Variants in GGA1 observed in about 807,000 individuals in gnomAD.
The protein encoded by GGA1 is golgi associated, gamma adaptin ear containing, ARF binding protein 1.
Under a neutral mutation model 76.9 loss-of-function variants are expected in GGA1, and 18 were observed. The ratio of observed to expected loss-of-function variants is 0.23; its 90% CI spans 0.16 to 0.35. The LOEUF is 0.35. Ranked by LOEUF, GGA1 falls within the 10% of genes least tolerant of loss-of-function variation. The probability of loss-of-function intolerance (pLI) is 1.00; values close to 1 mark genes in which losing one functional copy is unlikely to be tolerated. For missense variants in GGA1, 755 were observed against 859.0 expected (o/e 0.88, Z 1.51); for synonymous variants, 342 against 354.7 (o/e 0.96, Z 0.40).
At position 37,632,754 on chromosome 22, in the gene GGA1, C is replaced by T. The variant is rs771051099; in HGVS notation, c.*43C>T. The stretch of plus-strand genomic sequence containing the variant: ...GAGGAAGGGGCAGAGGGACCGGTCA[C>T]TGTCCAGCCTGGAGGGAGGCATTGG... On this transcript the variant is annotated 3_prime_UTR_variant, in exon 17 of 17. Coordinates refer to ENST00000343632, the MANE Select transcript of GGA1 (RefSeq NM_013365.5). This position sits in a 1 kb window ranked among gnomAD's most constrained non-coding sequence, Gnocchi z 5.1. 1 of 1,184,508 alleles carries T rather than the reference C, an allele frequency of 8.4e-7. No individual in the cohort carries two copies. Among genetic ancestry groups the T allele is most frequent in the South Asian group, 1.3e-5 (1 of 77,688 alleles). 73.4% of individuals were successfully genotyped at this position (1,184,508 alleles called of 1,614,324 possible). A position where few individuals can be genotyped will look rare whatever the true frequency, so the allele number is the denominator to read the frequency against.
At chr22:37,614,318 A>G (rs897477626) in intron 2 of GGA1, 44 bp downstream of exon 2, 11 of 1,362,712 alleles carry the variant, frequency 8.1e-6, no homozygotes, top group Non-Finnish European at 1.1e-5. Flanking sequence ...TGCACTCTCC[A>G]GAACCCAGTC....
Position 37,629,524 on chromosome 22 carries a change from C to A in GGA1, c.1156C>A (p.Gln386Lys). The change falls in exon 12 of 17, where the codon CAG becomes AAG. Residue 386 changes from glutamine to lysine, a missense_variant and splice_region_variant. Transcript: ENST00000343632. ...SLDGTGWNSF[Q>K]SSDATEPPAP... ...GGATGGTACCGGATGGAACAGCTTC[C>A]AGGTAGGAGGGGACCACAAACTAGT... The A allele has an allele frequency of 6.4e-7, 1 of 1,572,904 alleles. No homozygotes were observed. Among genetic ancestry groups the A allele is most frequent in the Non-Finnish European group, 8.6e-7 (1 of 1,161,660 alleles).
At chr22:37,616,896 G>A (rs1928905274) in intron 2 of GGA1, 26 bp from the exon 3 acceptor site, 1 of 1,583,638 alleles carries the variant, frequency 6.3e-7, no homozygotes. Context: ...TGGCGACTCT[G>A]GCTCTGTGTT....
rs1932036502 is a variant in GGA1, at chr22:37,632,684, C to G, written c.1893C>G (p.Pro631=). The part of the protein sequence containing the change: ...YNEMGDVDQF[P]PPETWGSL ...AGATGGGGGATGTGGACCAGTTCCC[C>G]CCACCTGAAACCTGGGGTAGCCTCT... is the stretch of plus-strand genomic sequence containing the variant. The change falls in exon 17 of 17, where the codon CCC becomes CCG. Residue 631 remains proline (P), a synonymous_variant. Transcript: ENST00000343632. This position sits in a 1 kb window ranked among gnomAD's most constrained non-coding sequence, Gnocchi z 5.1. The G allele has an allele frequency of 6.2e-7, 1 of 1,609,070 alleles. No individual in the cohort carries two copies. Among genetic ancestry groups the G allele is most frequent in the African/African-American group, 1.3e-5 (1 of 74,778 alleles).
At chr22:37,610,563 A>T (rs1601489416) in intron 1 of GGA1, 2 of 151,944 alleles carry the variant, frequency 1.3e-5, no homozygotes, top group Middle Eastern at 3.4e-3. Context: ...CTGATCTCGA[A>T]CTCCTGACCT....
At chr22:37,614,061 G>A in intron 1 of GGA1, 129 bp from the exon 2 acceptor site, 1 of 703,658 alleles carries the variant, frequency 1.4e-6, no homozygotes, top group Non-Finnish European at 2.6e-6. Flanking sequence ...CAGGAAGGCA[G>A]GGGGAGAGCT....
At chr22:37,615,885 G>T (rs1470829589) in intron 2 of GGA1, among the ~76,000 whole-genome samples, 2 of 151,436 alleles carry the variant, frequency 1.3e-5, no homozygotes, top group African/African-American at 4.9e-5. Context: ...CTGTCGCCCA[G>T]GCTGGAGTGC....
Position 37,632,596 on chromosome 22 carries a change from C to A in GGA1, c.1810-5C>A. 1.2e-6 allele frequency: 2 copies of A among 1,607,796 alleles called. No individual in the cohort carries two copies. Among genetic ancestry groups the A allele is most frequent in the African/African-American group, 1.3e-5 (1 of 74,934 alleles). On this transcript the variant is annotated splice_polypyrimidine_tract_variant and splice_region_variant and intron_variant, in intron 16 of 16. Coordinates refer to ENST00000343632, the MANE Select transcript of GGA1 (RefSeq NM_013365.5). The surrounding 1 kb of genome is among the most constrained non-coding windows in gnomAD (Gnocchi z 5.1). The stretch of plus-strand genomic sequence containing the variant: ...ACCCCTCTGCCTTTGCCATCTCTTC[C>A]CCAGGAGAAGGTTCGCCTCCGCTAC...
Position 37,631,080 on chromosome 22 carries a change from C to T in GGA1, c.1509C>T (p.Pro503=), listed in dbSNP as rs370405373. The T allele has an allele frequency of 5.0e-6, 8 of 1,593,056 alleles. No homozygotes were observed. Among genetic ancestry groups the T allele is most frequent in the Non-Finnish European group, 6.0e-6 (7 of 1,171,944 alleles). ...TCTCACTGGCCAGCATCACTGTGCC[C>T]CTGGAGTCCATCAAACCCAGTGAGT... is the stretch of plus-strand genomic sequence containing the variant. The part of the protein sequence containing the change: ...TELSLASITV[P]LESIKPSNIL... The change falls in exon 14 of 17, where the codon CCC becomes CCT. Residue 503 remains proline, a synonymous_variant. Transcript: ENST00000343632.
chr22:37,630,365 G>A, intron 13 of GGA1, 195 bp downstream of exon 13: 1 of 553,994 alleles, frequency 1.8e-6, no homozygotes, highest in Non-Finnish European at 3.2e-6. Context: ...CCACTGGCCT[G>A]GCCTCCCCCC....
intron 14 of GGA1, 143 bp downstream of exon 14, chr22:37,631,242 T>C (rs1374282888): frequency 4.9e-6 from 3 of 610,800 alleles, no homozygotes; most frequent in Non-Finnish European, 5.5e-6. Flanking sequence ...AACAAGGCCC[T>C]CCCCTTCCCA....
rs754294391 is a variant in GGA1, at chr22:37,625,885, G to A, written c.1029G>A (p.Glu343=). ...CAGCTATGCCCACCCGCCCTGGCGA[G>A]CAGGCCAGCCCTGAGCAGCCCAGTG... is the stretch of plus-strand genomic sequence containing the variant. ...TYPAMPTRPG[E]QASPEQPSAS... is the part of the protein sequence containing the mutation. Residue 343 remains glutamate (E), a synonymous_variant, in exon 11 of 17, where the codon GAG becomes GAA. Transcript: ENST00000343632. The surrounding 1 kb of genome is among the most constrained non-coding windows in gnomAD (Gnocchi z 4.1). 3.1e-6 allele frequency: 5 copies of A among 1,611,160 alleles called. No individual in the cohort carries two copies. Among genetic ancestry groups the A allele is most frequent in the Non-Finnish European group, 2.5e-6 (3 of 1,179,180 alleles).
intron 1 of GGA1, among the ~76,000 whole-genome samples, chr22:37,611,392 C>T (rs1175541453): frequency 6.6e-6 from 1 of 152,152 alleles, no homozygotes; most frequent in African/African-American, 2.4e-5. Flanking sequence ...ACCTCCCAGG[C>T]TGTCTGCACT....
chr22:37,616,001 C>T (rs1360578390), intron 2 of GGA1, among the ~76,000 whole-genome samples: 2 of 151,918 alleles, frequency 1.3e-5, no homozygotes, highest in South Asian at 2.1e-4. Context: ...CCACCACACC[C>T]GGCTAATTTT....
intron 1 of GGA1, 180 bp from the exon 2 acceptor site, chr22:37,614,010 T>C: frequency 1.7e-6 from 1 of 583,132 alleles, no homozygotes; most frequent in Non-Finnish European, 3.1e-6. Context: ...TGTGCTCATC[T>C]GTCTGTCTAC....
rs1156426208 is a variant in GGA1 at position 37,609,079 on chromosome 22, C to T, written c.43+176C>T. On this transcript the variant is annotated intron_variant, in intron 1 of 16. Coordinates refer to ENST00000343632, the MANE Select transcript of GGA1 (RefSeq NM_013365.5). ...ACCCTGGAGCGATGGAGGACCCCGG[C>T]CCCGGCGCGGTCCAGCGGTGGGAGC... 7 of 1,489,520 alleles carry T rather than the reference C, an allele frequency of 4.7e-6. No individual in the cohort carries two copies. The East Asian group carries it at 2.1e-4, about 45-fold the overall frequency. The allele number at this position is 1,489,520 out of a possible 1,614,324, so 92.3% of individuals were successfully genotyped here. A position where few individuals can be genotyped will look rare whatever the true frequency, so the allele number is the denominator to read the frequency against.
intron 13 of GGA1, 61 bp downstream of exon 13, chr22:37,630,231 A>G (rs1051699587): frequency 2.7e-5 from 34 of 1,275,490 alleles, no homozygotes; most frequent in Non-Finnish European, 3.6e-5. Context: ...CAAACCAGCA[A>G]CTTCTCCTGG....
At chr22:37,609,374 C>T in intron 1 of GGA1, 2 of 1,071,780 alleles carry the variant, frequency 1.9e-6, no homozygotes, top group Non-Finnish European at 2.3e-6. Flanking sequence ...GTCACATTTG[C>T]TCATTACCCC....
In GGA1 at chr22:37,632,497, G is replaced by A; in HGVS notation, c.1791G>A (p.Leu597=). ...CCTCAGCAATCACCCAGGTCCTGCT[G>A]CTTGCCAACCCCCAGAAGGTAAGGG... ...VHPSAITQVL[L]LANPQKEKVR... The change falls in exon 16 of 17, where the codon CTG becomes CTA. Residue 597 remains leucine (L), a synonymous_variant. Coordinates refer to ENST00000343632, the MANE Select transcript of GGA1 (RefSeq NM_013365.5). This position sits in a 1 kb window ranked among gnomAD's most constrained non-coding sequence, Gnocchi z 5.1. 1.2e-6 allele frequency: 2 copies of A among 1,613,296 alleles called. No homozygotes were observed. The highest frequency in any genetic ancestry group is 1.7e-6 in the Non-Finnish European group (2 of 1,179,304).
Sources: gnomAD v4.1 joint callset for allele counts (sites outside exome capture counted in the v4.1 genomes callset) on GRCh38, gnomAD v4.1.1 for gene constraint, Gnocchi (gnomAD v3.1) non-coding constraint, MANE v1.5 for transcripts, NCBI Gene and HGNC (gene_info 2026-07-23, HGNC 2026-07-21) for gene names.